Variants in KANK2 observed in about 807,000 individuals in gnomAD.
The protein encoded by KANK2 is KN motif and ankyrin repeat domains 2.
KANK2 carries 41 observed loss-of-function variants against 74.6 expected under a neutral mutation model. That is an observed-to-expected ratio of 0.55 (90% CI 0.43 to 0.71). The LOEUF is 0.71. KANK2 is among the 30% of genes least tolerant of loss of function. The probability of loss-of-function intolerance (pLI) is 0.00; values close to 1 mark genes in which losing one functional copy is unlikely to be tolerated. For missense variants in KANK2, 1,148 were observed against 1,196.4 expected (o/e 0.96, Z 0.60); for synonymous variants, 537 against 519.0 (o/e 1.03, Z -0.47).
At chr19:11,182,801 C>T (rs918652273) in intron 4 of KANK2, among the ~76,000 whole-genome samples, 3 of 145,808 alleles carry the variant, frequency 2.1e-5, no homozygotes, top group African/African-American at 7.6e-5. Context: ...CGATATTATG[C>T]CACTGCACTC....
Position 11,176,691 on chromosome 19 carries a change from A to G in KANK2, c.1647T>C (p.Pro549=). The G allele has an allele frequency of 6.2e-7, 1 of 1,613,462 alleles. No homozygotes were observed. The highest frequency in any genetic ancestry group is 1.3e-5 in the African/African-American group (1 of 75,044). Reference sequence around the variant, plus strand: ...TGGTCTTGGCCGCTGCCGTCCCTGCAGGCCTGAGCTGGGGGGCTTCGGCCA... The same window carrying G: ...TGGTCTTGGCCGCTGCCGTCCCTGCGGGCCTGAGCTGGGGGGCTTCGGCCA... ...PSVAEAPQLR[P]AGTAAAKTSR... Residue 549 remains proline (P), a synonymous_variant, in exon 7 of 13, where the codon CCT becomes CCC. Transcript: ENST00000586659.
intron 9 of KANK2, 129 bp from the exon 10 acceptor site, chr19:11,173,252 AC>A: frequency 1.1e-6 from 1 of 919,962 alleles, no homozygotes; most frequent in South Asian, 2.2e-5. Flanking sequence ...AGAGGACCCC[AC>A]TCTGCCCTAG....
chr19:11,196,595 G>A (rs924921554), intron 1 of KANK2: 2 of 152,156 alleles, frequency 1.3e-5, no homozygotes, highest in Non-Finnish European at 2.9e-5. Context: ...TCCCAGATAC[G>A]GAGACTGAGG....
intron 2 of KANK2, chr19:11,195,164 C>T (rs538380884): frequency 1.1e-4 from 17 of 152,364 alleles, no homozygotes; most frequent in African/African-American, 3.4e-4. Flanking sequence ...GGAGTGAAGC[C>T]TTTCCCCTTT....
intron 6 of KANK2, among the ~76,000 whole-genome samples, chr19:11,177,129 T>C (rs1312866914): frequency 2.2e-5 from 3 of 138,164 alleles, no homozygotes; most frequent in Non-Finnish European, 4.6e-5. Context: ...GGAGTCTTGC[T>C]CTGTTGCCCA....
chr19:11,180,038 T>A (rs561762493), intron 4 of KANK2, among the ~76,000 whole-genome samples: 2 of 152,246 alleles, frequency 1.3e-5, no homozygotes, highest in South Asian at 4.1e-4. Flanking sequence ...TTTTCTGTAA[T>A]GTTTGTAGAG....
At chr19:11,185,237 T>C (rs1221120942) in intron 4 of KANK2, among the ~76,000 whole-genome samples, 1 of 142,076 alleles carries the variant, frequency 7.0e-6, no homozygotes, top group Non-Finnish European at 1.5e-5. Flanking sequence ...CTGGGCAACA[T>C]GGTGGAACCC....
chr19:11,173,187 T>C lies in KANK2; in HGVS notation c.2069-64A>G, dbSNP rs1046783449. On this transcript the variant is annotated intron_variant, in intron 9 of 12. Coordinates refer to ENST00000586659, the MANE Select transcript of KANK2 (RefSeq NM_001136191.3). ...TGCTAGTGGACTGCCCCAAGGAACGTGGATACCACGTCTCGTCCATCAGTC... is the reference window on the plus strand; with the variant it reads ...TGCTAGTGGACTGCCCCAAGGAACGCGGATACCACGTCTCGTCCATCAGTC... 5.8e-6 allele frequency: 9 copies of C among 1,541,382 alleles called. No homozygotes were observed. In the African/African-American group the frequency reaches 9.5e-5, roughly 16 times the overall value.
At chr19:11,172,399 C>G (rs867625) in intron 10 of KANK2, among the ~76,000 whole-genome samples, 138 of 152,344 alleles carry the variant, frequency 9.1e-4, no homozygotes, top group African/African-American at 3.3e-3. Flanking sequence ...TGTTCCTTTG[C>G]TGTCTTCAGA....
intron 4 of KANK2, among the ~76,000 whole-genome samples, chr19:11,190,602 G>T (rs974778002): frequency 6.6e-6 from 1 of 152,144 alleles, no homozygotes; most frequent in South Asian, 2.1e-4. Context: ...TAGAGGTGGA[G>T]AGCATTATCA....
At chr19:11,179,753 C>A (rs2147480300) in intron 4 of KANK2, among the ~76,000 whole-genome samples, 1 of 152,318 alleles carries the variant, frequency 6.6e-6, no homozygotes, top group South Asian at 2.1e-4. Flanking sequence ...AAGGTGACTT[C>A]CTGGATGCTG....
Position 11,166,192 on chromosome 19 carries a change from T to C in KANK2, c.*366A>G. The C allele has an allele frequency of 5.3e-6, 1 of 190,384 alleles. No individual in the cohort carries two copies. The highest frequency in any genetic ancestry group is 1.1e-5 in the Non-Finnish European group (1 of 92,932). The allele number at this position is 190,384 out of a possible 1,614,324, so 11.8% of individuals were successfully genotyped here. On this transcript the variant is annotated 3_prime_UTR_variant, in exon 13 of 13. Coordinates refer to ENST00000586659, the MANE Select transcript of KANK2 (RefSeq NM_001136191.3). ...AGATTCCCACCCCCTCCTGCAACAATGATTCAAAAATACAATATTTTTTTC... is the reference window on the plus strand; with the variant it reads ...AGATTCCCACCCCCTCCTGCAACAACGATTCAAAAATACAATATTTTTTTC...
rs567755939 is a variant in KANK2, at chr19:11,178,464, C to T, written c.1418-17G>A. On this transcript the variant is annotated splice_polypyrimidine_tract_variant and intron_variant, in intron 5 of 12. Transcript: ENST00000586659. Reference sequence around the variant, plus strand: ...GGGGCCCGCCTGGAGGGGAGGACAGCGGAGGTGCTGTGAGAGTCCTTCAGG... The same window carrying T: ...GGGGCCCGCCTGGAGGGGAGGACAGTGGAGGTGCTGTGAGAGTCCTTCAGG... 2.7e-5 allele frequency: 43 copies of T among 1,601,082 alleles called. No individual in the cohort carries two copies. Among genetic ancestry groups the T allele is most frequent in the Middle Eastern group, 3.3e-4 (2 of 6,006 alleles).
rs1195190628 is a variant in KANK2 at position 11,169,904 on chromosome 19, C to T, written c.2475G>A (p.Leu825=). The change falls in exon 12 of 13, where the codon CTG becomes CTA. Residue 825 remains leucine, a synonymous_variant. Coordinates refer to ENST00000586659, the MANE Select transcript of KANK2 (RefSeq NM_001136191.3). ...DAGQSEIASM[L]YSRMNIKCSF... ...AGCACTTGATGTTCATGCGGGAATA[C>T]AGCATGGACGCAATCTCACTCTGCC... 10 of 1,614,188 alleles carry T rather than the reference C, an allele frequency of 6.2e-6. No homozygotes were observed. The South Asian group carries it at 7.7e-5, about 12-fold the overall frequency.
Position 11,166,415 on chromosome 19 carries a change from A to C in KANK2, c.*143T>G. 2.8e-6 allele frequency: 2 copies of C among 713,242 alleles called. No individual in the cohort carries two copies. The highest frequency in any genetic ancestry group is 4.8e-6 in the Non-Finnish European group (2 of 420,614). The allele number at this position is 713,242 out of a possible 1,614,324, so 44.2% of individuals were successfully genotyped here. On this transcript the variant is annotated 3_prime_UTR_variant, in exon 13 of 13. Transcript: ENST00000586659. ...GTGGCCGTCGGGGCTCCCCCAGGGA[A>C]GCAGAGGGAGAGCTCGCTTGCCTTT...
chr19:11,187,364 CAGAA>C (rs1423439334), intron 4 of KANK2, among the ~76,000 whole-genome samples: 12 of 151,894 alleles, frequency 7.9e-5, no homozygotes, highest in East Asian at 5.8e-4. Context: ...AAATAAGAAA[CAGAA>C]AGAGATTTTT....
chr19:11,192,409 G>A (rs1600825152), intron 4 of KANK2: 1 of 270,434 alleles, frequency 3.7e-6, no homozygotes, highest in Non-Finnish European at 7.2e-6. Flanking sequence ...AAGGTCGGGG[G>A]CTGGGGCTGG....
chr19:11,175,885 C>T lies in KANK2; in HGVS notation c.1848+17G>A. On this transcript the variant is annotated intron_variant, in intron 8 of 12. Coordinates refer to ENST00000586659, the MANE Select transcript of KANK2 (RefSeq NM_001136191.3). ...GGTCCGGGGGGTGGCCAACCTAGGC[C>T]CAGGGCCAGATCGTACCAGCTCCCG... The T allele has an allele frequency of 3.1e-6, 5 of 1,609,936 alleles. No individual in the cohort carries two copies. Among genetic ancestry groups the T allele is most frequent in the Non-Finnish European group, 4.2e-6 (5 of 1,177,216 alleles).
At chr19:11,181,550 G>C (rs2078519133) in intron 4 of KANK2, among the ~76,000 whole-genome samples, 3 of 152,066 alleles carry the variant, frequency 2.0e-5, no homozygotes, top group Non-Finnish European at 2.9e-5. Flanking sequence ...CCCAGCCCTA[G>C]AATTATCAGA....
Sources: allele counts gnomAD v4.1 joint callset (sites outside exome capture counted in the v4.1 genomes callset), GRCh38; gene constraint gnomAD v4.1.1; transcripts MANE v1.5; gene names NCBI Gene and HGNC (gene_info 2026-07-23, HGNC 2026-07-21).